Variants in KCTD17 observed in about 807,000 individuals in gnomAD.
The protein encoded by KCTD17 is potassium channel tetramerization domain containing 17, also known as BTB/POZ domain-containing protein KCTD17.
Under a neutral mutation model 41.5 loss-of-function variants are expected in KCTD17, and 20 were observed. The ratio of observed to expected loss-of-function variants is 0.48; its 90% confidence interval spans 0.34 to 0.70. The LOEUF is 0.70. KCTD17 is among the 30% of genes least tolerant of loss of function. The pLI, the probability that KCTD17 is intolerant of heterozygous loss-of-function variation, is 0.01. For missense variants in KCTD17, 317 were observed against 427.2 expected, an observed-to-expected ratio of 0.74 and a Z score of 2.27; for synonymous variants, 156 against 173.8, an observed-to-expected ratio of 0.90 and a Z score of 0.80.
Position 37,061,005 on chromosome 22 carries a change from G to C in KCTD17, c.712+83G>C. The C allele has an allele frequency of 6.5e-7, 1 of 1,545,018 alleles. No individual in the cohort carries two copies. The highest frequency in any genetic ancestry group is 8.8e-7 in the Non-Finnish European group (1 of 1,142,468). On this transcript the variant is annotated intron_variant, in intron 6 of 8. Coordinates refer to ENST00000403888, the MANE Select transcript of KCTD17 (RefSeq NM_001282684.2). The surrounding 1 kb of genome is among the most constrained non-coding windows in gnomAD (Gnocchi z 6.6). The stretch of plus-strand genomic sequence containing the variant: ...CCTTGCTGGAGCCAGCTGCAGAACC[G>C]GGGGCCCCGGGGCTGCTGGGGGGGC...
rs556474244 is a variant in KCTD17, at chr22:37,062,440, G to A, written c.876-85G>A. The A allele has an allele frequency of 2.1e-5, 17 of 810,422 alleles. No individual in the cohort carries two copies. The Admixed American group carries it at 5.6e-4, about 27-fold the overall frequency. 50.2% of individuals were successfully genotyped at this position (810,422 alleles called of 1,614,324 possible). A position where few individuals can be genotyped will look rare whatever the true frequency, so the allele number is the denominator to read the frequency against. On this transcript the variant is annotated intron_variant, in intron 8 of 8. Transcript: ENST00000403888. ...TCCCCCACCCGTCAATCTCCTCTCC[G>A]CCCCCTTGCCCTGCATCACCCCCTC... is the stretch of plus-strand genomic sequence containing the variant.
At chr22:37,058,714 C>T (rs1272816002) in intron 4 of KCTD17, among the ~76,000 whole-genome samples, 1 of 152,146 alleles carries the variant, frequency 6.6e-6, no homozygotes, top group Admixed American at 6.5e-5. Flanking sequence ...TTCTAGGGAC[C>T]CTGGAACAAG....
Position 37,062,765 on chromosome 22 carries a change from T to C in KCTD17, c.*171T>C. On this transcript the variant is annotated 3_prime_UTR_variant, in exon 9 of 9. Transcript: ENST00000403888. ...GGCCCAAGGTGGGCCCCAGGACCTC[T>C]GGGCAGAGTGGACTGCTCATGGCAG... The C allele has an allele frequency of 7.2e-7, 1 of 1,385,028 alleles. No individual in the cohort carries two copies. The highest frequency in any genetic ancestry group is 1.5e-5 in the South Asian group (1 of 66,656). The allele number at this position is 1,385,028 out of a possible 1,614,324, so 85.8% of individuals were successfully genotyped here. A position where few individuals can be genotyped will look rare whatever the true frequency, so the allele number is the denominator to read the frequency against.
chr22:37,051,954 G>T lies in KCTD17; in HGVS notation c.189+5G>T, dbSNP rs1299194423. On this transcript the variant is annotated splice_donor_5th_base_variant and intron_variant, in intron 1 of 8. Transcript: ENST00000403888. ...GAAGAGCTGCAGTCGGACCGGGTGA[G>T]GCCCCCGGGGTGGGCGGCGAGCGGG... The T allele has an allele frequency of 6.8e-7, 1 of 1,463,006 alleles. No homozygotes were observed. The highest frequency in any genetic ancestry group is 9.1e-7 in the Non-Finnish European group (1 of 1,104,482). The allele number at this position is 1,463,006 out of a possible 1,614,324, so 90.6% of individuals were successfully genotyped here. A position where few individuals can be genotyped will look rare whatever the true frequency, so the allele number is the denominator to read the frequency against.
rs894583805 is a variant in KCTD17, at chr22:37,056,307, C to G, written c.299-13C>G. 2 of 1,610,948 alleles carry G rather than the reference C, an allele frequency of 1.2e-6. No individual in the cohort carries two copies. The highest frequency in any genetic ancestry group is 1.7e-6 in the Non-Finnish European group (2 of 1,178,174). ...CAGAAGGAGTGACCTGGGATCTGTT[C>G]TGTCTGTGCCAGGGGTCCTGGAGGA... On this transcript the variant is annotated splice_polypyrimidine_tract_variant and intron_variant, in intron 2 of 8. Coordinates refer to ENST00000403888, the MANE Select transcript of KCTD17 (RefSeq NM_001282684.2).
intron 1 of KCTD17, 157 bp downstream of exon 1, chr22:37,052,106 A>C: frequency 3.8e-5 from 18 of 474,388 alleles, no homozygotes; most frequent in Middle Eastern, 7.9e-4. Context: ...GGGGAGGGGG[A>C]GGTGGGTCTG....
chr22:37,058,603 A>C (rs1440753157), intron 4 of KCTD17, among the ~76,000 whole-genome samples: 1 of 152,222 alleles, frequency 6.6e-6, no homozygotes, highest in African/African-American at 2.4e-5. Context: ...GGCCTTCAGC[A>C]GGCCTGAGAT....
Position 37,053,903 on chromosome 22 carries a change from CTCT to C in KCTD17, c.298+700_298+702del, listed in dbSNP as rs1458307019. On this transcript the variant is annotated intron_variant, in intron 2 of 8. Transcript: ENST00000403888. The surrounding 1 kb of genome is among the most constrained non-coding windows in gnomAD (Gnocchi z 4.1). ...AGGACTACAGTCAGTGCCAAGTTAACTCTTCTTTGGGACACAGGGTGTGGCTCT... is the reference window on the plus strand; with the variant it reads ...AGGACTACAGTCAGTGCCAAGTTAACTCTTTGGGACACAGGGTGTGGCTCT... 2.6e-5 allele frequency among the ~76,000 whole-genome samples: 4 copies of C among 152,184 alleles called. No homozygotes were observed. The highest frequency in any genetic ancestry group is 5.9e-5 in the Non-Finnish European group (4 of 68,028).
In KCTD17 at chr22:37,062,731, A is replaced by C. The variant is rs568799442; in HGVS notation, c.*137A>C. 1,082 of 1,483,554 alleles carry C rather than the reference A, an allele frequency of 7.3e-4. 2 individuals carry two copies. The highest frequency in any genetic ancestry group is 1.8e-3 in the Admixed American group (80 of 43,610). The allele number at this position is 1,483,554 out of a possible 1,614,324, so 91.9% of individuals were successfully genotyped here. ...AGGGGCGGGGCGGGGCCCCCCTGGG[A>C]CCTCTTAAGGCCCAAGGTGGGCCCC... On this transcript the variant is annotated 3_prime_UTR_variant, in exon 9 of 9. Transcript: ENST00000403888.
In KCTD17 at chr22:37,061,548, C is replaced by T. The variant is rs755400870; in HGVS notation, c.794C>T (p.Pro265Leu). ...CGTTTCCTCCTTGCAGGTTCCCGTC[C>T]GCACCCTCTCAGACCTGAGGCTGAG... is the stretch of plus-strand genomic sequence containing the variant. ...PPPLPAGGSR[P>L]HPLRPEAELA... The change falls in exon 8 of 9, where the codon CCG (proline) becomes CTG (leucine). Residue 265 changes from proline to leucine, a missense_variant. By Grantham distance (98) the Pro-to-Leu change is moderately conservative. This residue lies in a region of KCTD17 where 177 missense variants were observed against 194.4 expected (regional missense o/e 0.91). Transcript: ENST00000403888. This position sits in a 1 kb window ranked among gnomAD's most constrained non-coding sequence, Gnocchi z 6.6. 8.7e-6 allele frequency: 14 copies of T among 1,601,568 alleles called. No individual in the cohort carries two copies. Among genetic ancestry groups the T allele is most frequent in the South Asian group, 6.6e-5 (6 of 90,952 alleles).
At position 37,053,289 on chromosome 22, in the gene KCTD17, C is replaced by A; in HGVS notation, c.298+81C>A. 1 of 1,052,214 alleles carries A rather than the reference C, an allele frequency of 9.5e-7. No homozygotes were observed. Among genetic ancestry groups the A allele is most frequent in the Non-Finnish European group, 1.4e-6 (1 of 699,486 alleles). The allele number at this position is 1,052,214 out of a possible 1,614,324, so 65.2% of individuals were successfully genotyped here. A position where few individuals can be genotyped will look rare whatever the true frequency, so the allele number is the denominator to read the frequency against. On this transcript the variant is annotated intron_variant, in intron 2 of 8. Coordinates refer to ENST00000403888, the MANE Select transcript of KCTD17 (RefSeq NM_001282684.2). This position sits in a 1 kb window ranked among gnomAD's most constrained non-coding sequence, Gnocchi z 4.1. ...TGGAGGCCCCAAGCCATTTGGACAA[C>A]CAGGACGGCCATCTGCCTGCTTGGT...
chr22:37,053,078 C>A lies in KCTD17; in HGVS notation c.190-22C>A, dbSNP rs377530202. 6.5e-7 allele frequency: 1 copy of A among 1,546,478 alleles called. No individual in the cohort carries two copies. Among genetic ancestry groups the A allele is most frequent in the Non-Finnish European group, 8.8e-7 (1 of 1,138,228 alleles). ...GGGAGAAGCCTCACTCTTCTCTCAC[C>A]GAGCATCCCTCACCTCCATAGGATG... On this transcript the variant is annotated intron_variant, in intron 1 of 8. Coordinates refer to ENST00000403888, the MANE Select transcript of KCTD17 (RefSeq NM_001282684.2). This position sits in a 1 kb window ranked among gnomAD's most constrained non-coding sequence, Gnocchi z 4.1.
intron 4 of KCTD17, among the ~76,000 whole-genome samples, chr22:37,057,699 C>T (rs1925308093): frequency 6.6e-6 from 1 of 152,170 alleles, no homozygotes; most frequent in Non-Finnish European, 1.5e-5. Context: ...GATAGGAGCC[C>T]CAGTGGCCAT....
Position 37,061,579 on chromosome 22 carries a change from A to G in KCTD17, c.825A>G (p.Ala275=). The G allele has an allele frequency of 3.1e-6, 5 of 1,601,742 alleles. No individual in the cohort carries two copies. The highest frequency in any genetic ancestry group is 4.2e-6 in the Non-Finnish European group (5 of 1,179,694). ...PHPLRPEAEL[A]VRASPRPLAR... ...CTCTCAGACCTGAGGCTGAGCTTGC[A>G]GTGAGGGCTTCTCCTCGGCCCCTCG... Residue 275 remains alanine (A), a synonymous_variant, in exon 8 of 9, where the codon GCA becomes GCG. Coordinates refer to ENST00000403888, the MANE Select transcript of KCTD17 (RefSeq NM_001282684.2). The surrounding 1 kb of genome is among the most constrained non-coding windows in gnomAD (Gnocchi z 6.6).
intron 5 of KCTD17, among the ~76,000 whole-genome samples, chr22:37,060,147 G>A (rs1369216503): frequency 1.3e-5 from 2 of 152,214 alleles, no homozygotes; most frequent in Non-Finnish European, 2.9e-5. Context: ...AGTCCCAAGG[G>A]CCTTCGCAGA....
chr22:37,056,632 C>T (rs1925151933), intron 3 of KCTD17, among the ~76,000 whole-genome samples: 1 of 152,166 alleles, frequency 6.6e-6, no homozygotes, highest in Non-Finnish European at 1.5e-5. Context: ...CTGTCTCAGC[C>T]CCATTTGCTG....
chr22:37,062,437 T>TC, intron 8 of KCTD17, 88 bp from the exon 9 acceptor site: 4 of 928,992 alleles, frequency 4.3e-6, no homozygotes, highest in Admixed American at 3.4e-5. Context: ...CAATCTCCTC[T>TC]CCGCCCCCTT....
chr22:37,059,173 C>T (rs1006814757), intron 4 of KCTD17, 140 bp from the exon 5 acceptor site: 209 of 1,198,144 alleles, frequency 1.7e-4, no homozygotes, highest in Non-Finnish European at 2.4e-4. Context: ...GTGCCCTCTA[C>T]AAACCCAGGA....
In KCTD17 at chr22:37,052,055, C is replaced by A. The variant is rs1049735057; in HGVS notation, c.189+106C>A. 6.4e-5 allele frequency: 73 copies of A among 1,140,120 alleles called. No individual in the cohort carries two copies. In the African/African-American group the frequency reaches 1.1e-3, roughly 17 times the overall value. The allele number at this position is 1,140,120 out of a possible 1,614,324, so 70.6% of individuals were successfully genotyped here. ...GCCAGGCTGGGGACCCGGCCGGGTT[C>A]ATTTCCGAGGAACTGGAGGCGGGAA... is the stretch of plus-strand genomic sequence containing the variant. On this transcript the variant is annotated intron_variant, in intron 1 of 8. Transcript: ENST00000403888.
Sources: gnomAD v4.1 joint callset for allele counts (sites outside exome capture counted in the v4.1 genomes callset) on GRCh38, gnomAD v4.1.1 for gene constraint, gnomAD v4.1.1 regional missense constraint, Gnocchi (gnomAD v3.1) non-coding constraint, MANE v1.5 for transcripts, NCBI Gene and HGNC (gene_info 2026-07-23, HGNC 2026-07-21) for gene names.